The following TMEM63B variants were observed in gnomAD, a reference collection of about 807,000 sequenced individuals.
TMEM63B encodes transmembrane protein 63B.
TMEM63B carries 23 observed loss-of-function variants against 102.6 expected under a neutral mutation model. The observed-to-expected ratio is 0.22, with a 90% CI of 0.16 to 0.32. The LOEUF (loss-of-function observed/expected upper bound fraction) is 0.32. Among genes scored for constraint, TMEM63B ranks in the 10% least tolerant of loss-of-function variants. The pLI is 1.00. For missense variants in TMEM63B, 628 were observed against 1,095.9 expected (o/e 0.57, Z 6.03); for synonymous variants, 444 against 437.0 (o/e 1.02, Z -0.20).
chr6:44,150,077 G>A lies in TMEM63B; in HGVS notation c.1520+112G>A. Reference sequence around the variant, plus strand: ...CCTGGCCCTGGGCAGTCCCACAGCTGGTAGGGAAGGGGTAGTGCCCAGCAC... The same window carrying A: ...CCTGGCCCTGGGCAGTCCCACAGCTAGTAGGGAAGGGGTAGTGCCCAGCAC... On this transcript the variant is annotated intron_variant, in intron 16 of 23. Transcript: ENST00000323267. The surrounding 1 kb of genome is among the most constrained non-coding windows in gnomAD (Gnocchi z 4.7). 2.3e-6 allele frequency: 3 copies of A among 1,324,846 alleles called. No homozygotes were observed. Among genetic ancestry groups the A allele is most frequent in the Non-Finnish European group, 3.2e-6 (3 of 946,660 alleles). The allele number at this position is 1,324,846 out of a possible 1,614,324, so 82.1% of individuals were successfully genotyped here. A position where few individuals can be genotyped will look rare whatever the true frequency, so the allele number is the denominator to read the frequency against.
At chr6:44,132,939 C>G (rs1762239650) in intron 1 of TMEM63B, among the ~76,000 whole-genome samples, 1 of 152,204 alleles carries the variant, frequency 6.6e-6, no homozygotes, top group South Asian at 2.1e-4. Context: ...AGGTTTGAGT[C>G]CTAGGTCCCT....
Position 44,151,960 on chromosome 6 carries a change from C to A in TMEM63B, c.1788C>A (p.Ile596=). Residue 596 remains isoleucine (I), a synonymous_variant, in exon 19 of 24, where the codon ATC becomes ATA. Transcript: ENST00000323267. Reference sequence around the variant, plus strand: ...TCCCAGGCCTGCTCATGTACATGATCCGGCTCTGCCTGGCGCGCTCGGCCG... The same window carrying A: ...TCCCAGGCCTGCTCATGTACATGATACGGCTCTGCCTGGCGCGCTCGGCCG... ...LRIPGLLMYM[I]RLCLARSAAE... 6.2e-7 allele frequency: 1 copy of A among 1,612,666 alleles called. No individual in the cohort carries two copies. Among genetic ancestry groups the A allele is most frequent in the Non-Finnish European group, 8.5e-7 (1 of 1,179,216 alleles).
intron 5 of TMEM63B, 200 bp from the exon 6 acceptor site, chr6:44,138,280 T>A: frequency 1.6e-6 from 1 of 628,176 alleles, no homozygotes; most frequent in Non-Finnish European, 2.8e-6. Flanking sequence ...GTTGGTCTTT[T>A]TTCTTTGAGG....
chr6:44,131,580 G>A (rs548805446), intron 1 of TMEM63B, among the ~76,000 whole-genome samples: 18 of 152,162 alleles, frequency 1.2e-4, no homozygotes, highest in East Asian at 7.8e-4. Flanking sequence ...TTAGCTGGGC[G>A]TGGTGGCATG....
chr6:44,153,750 G>A lies in TMEM63B; in HGVS notation c.2017G>A (p.Asp673Asn), dbSNP rs774372585. The change falls in exon 21 of 24, where the codon GAC becomes AAC. Residue 673 changes from aspartate (D) to asparagine (N), a missense_variant. This residue lies in a region of TMEM63B where 90 missense variants were observed against 136.7 expected (regional missense o/e 0.66). Transcript: ENST00000323267. The part of the protein sequence containing the change: ...LYYAYLPAKL[D>N]KKIHSGAVNQ... ...CTACGCCTACCTGCCGGCCAAGCTG[G>A]ACAAGAAGATCCACTCGGGGGCTGT... The A allele has an allele frequency of 1.2e-6, 2 of 1,614,150 alleles. No homozygotes were observed. Among genetic ancestry groups the A allele is most frequent in the Non-Finnish European group, 1.7e-6 (2 of 1,180,028 alleles).
rs763552608 is a variant in TMEM63B at position 44,154,113 on chromosome 6, G to A, written c.2151G>A (p.Leu717=). 1 of 1,613,992 alleles carries A rather than the reference G, an allele frequency of 6.2e-7. No homozygotes were observed. Among genetic ancestry groups the A allele is most frequent in the African/African-American group, 1.3e-5 (1 of 74,902 alleles). Residue 717 remains leucine, a synonymous_variant, in exon 22 of 24, where the codon CTG becomes CTA. Transcript: ENST00000323267. ...APTSMFTFVV[L]VITIVICLCH... is the part of the protein sequence containing the mutation. ...CGTCTATGTTCACATTTGTGGTCCT[G>A]GTCATCACCATCGTCATCTGTCTCT... is the stretch of plus-strand genomic sequence containing the variant.
In TMEM63B at chr6:44,154,729, A is replaced by G; in HGVS notation, c.2345A>G (p.Asp782Gly). The G allele has an allele frequency of 8.2e-6, 13 of 1,582,396 alleles. No homozygotes were observed. Among genetic ancestry groups the G allele is most frequent in the Non-Finnish European group, 1.1e-5 (13 of 1,166,910 alleles). ...IAQVLQDSEVDGDGDGAPGSS... is the reference protein window; with the variant it reads ...IAQVLQDSEVGGDGDGAPGSS... ...CAGGTGCTGCAGGACTCAGAGGTGG[A>G]CGGGGATGGGGATGGGGCTCCTGGG... Residue 782 changes from aspartate (D) to glycine (G), a missense_variant, in exon 24 of 24, where the codon GAC (aspartate) becomes GGC (glycine). Transcript: ENST00000323267.
chr6:44,149,112 CA>C, intron 15 of TMEM63B, 167 bp downstream of exon 15: 1 of 999,130 alleles, frequency 1.0e-6, no homozygotes, highest in Non-Finnish European at 1.5e-6. Flanking sequence ...GGCTCCCTGC[CA>C]CCTTCCCCCT....
At chr6:44,146,463 T>TTTTTTTTTTTATTTTTTA (rs1176291597) in intron 10 of TMEM63B, among the ~76,000 whole-genome samples, 1 of 151,574 alleles carries the variant, frequency 6.6e-6, no homozygotes. Flanking sequence ...TTTTGTCTTT[T>TTTTTTTTTTTATTTTTTA]TTTTTGAGAT....
At position 44,139,467 on chromosome 6, in the gene TMEM63B, G is replaced by A. The variant is rs146291875; in HGVS notation, c.408G>A (p.Lys136=). The A allele has an allele frequency of 2.1e-5, 34 of 1,614,046 alleles. No homozygotes were observed. The highest frequency in any genetic ancestry group is 2.8e-5 in the Non-Finnish European group (33 of 1,180,038). The stretch of plus-strand genomic sequence containing the variant: ...CTTTGTCCAACCCGTATGGCTGCAG[G>A]GATGATGAGATCCGGGACAAATGTG... ...CSWLTAIFRI[K]DDEIRDKCGG... The change falls in exon 7 of 24, where the codon AAG becomes AAA. Residue 136 remains lysine (K), a splice_region_variant and synonymous_variant. Coordinates refer to ENST00000323267, the MANE Select transcript of TMEM63B (RefSeq NM_018426.3).
In TMEM63B at chr6:44,135,332, C is replaced by T. The variant is rs141913453; in HGVS notation, c.244C>T (p.Arg82Trp). The T allele has an allele frequency of 9.9e-5, 159 of 1,612,814 alleles. No homozygotes were observed. The Middle Eastern group carries it at 3.0e-3, about 30-fold the overall frequency. ...LALVTDADRL[R>W]RQERDRVEQE... ...CTGTCTGTTCTCTGTCCCCAGGCTT[C>T]GGCGGCAGGAGAGGGACCGAGTGGA... The change falls in exon 4 of 24, where the codon CGG becomes TGG. Residue 82 changes from arginine to tryptophan, a missense_variant. This residue lies in a region of TMEM63B where 336 missense variants were observed against 580.3 expected (regional missense o/e 0.58). Transcript: ENST00000323267.
intron 6 of TMEM63B, 69 bp from the exon 7 acceptor site, chr6:44,139,398 A>G: frequency 6.3e-7 from 1 of 1,582,172 alleles, no homozygotes. Context: ...GGGTGAGGGC[A>G]GGCAAGTTGC....
rs1332621600 is a variant in TMEM63B at position 44,152,096 on chromosome 6, C to T, written c.1836+88C>T. The T allele has an allele frequency of 1.8e-5, 26 of 1,444,080 alleles. No homozygotes were observed. In the East Asian group the frequency reaches 5.8e-4, roughly 32 times the overall value. 89.5% of individuals were successfully genotyped at this position (1,444,080 alleles called of 1,614,324 possible). A position where few individuals can be genotyped will look rare whatever the true frequency, so the allele number is the denominator to read the frequency against. On this transcript the variant is annotated intron_variant, in intron 19 of 23. Transcript: ENST00000323267. This position sits in a 1 kb window ranked among gnomAD's most constrained non-coding sequence, Gnocchi z 6.4. ...CAGCCATCGCGCTAGGGTTGAGGGGCACAGGAGGGCTGAGACTTGGGGAGT... is the reference window on the plus strand; with the variant it reads ...CAGCCATCGCGCTAGGGTTGAGGGGTACAGGAGGGCTGAGACTTGGGGAGT...
At chr6:44,144,608 A>G (rs572276497) in intron 10 of TMEM63B, among the ~76,000 whole-genome samples, 9 of 151,450 alleles carry the variant, frequency 5.9e-5, no homozygotes, top group African/African-American at 1.5e-4. Context: ...ATTTTTTTTG[A>G]GACAGAGTCT....
intron 1 of TMEM63B, among the ~76,000 whole-genome samples, chr6:44,130,749 C>T (rs1582753851): frequency 2.9e-5 from 4 of 138,318 alleles, no homozygotes; most frequent in Admixed American, 7.2e-5. Context: ...CCATGCCTGG[C>T]TTTTTTTTTT....
rs377671657 is a variant in TMEM63B, at chr6:44,148,809, G to A, written c.1277G>A (p.Arg426Gln). The change falls in exon 15 of 24, where the codon CGA becomes CAA. Residue 426 changes from arginine to glutamine, a missense_variant. By Grantham distance (43) the Arg-to-Gln change is conservative (BLOSUM62 1). Transcript: ENST00000323267. This position sits in a 1 kb window ranked among gnomAD's most constrained non-coding sequence, Gnocchi z 5.1. ...CTTGCCAGGGAGCACCTCTCCATCCGAGGCTTCATCTGGTGGCTGCGCTGC... is the reference window on the plus strand; with the variant it reads ...CTTGCCAGGGAGCACCTCTCCATCCAAGGCTTCATCTGGTGGCTGCGCTGC... ...QNIYWEHLSIRGFIWWLRCLV... is the reference protein window; with the variant it reads ...QNIYWEHLSIQGFIWWLRCLV... 36 of 1,613,962 alleles carry A rather than the reference G, an allele frequency of 2.2e-5. No individual in the cohort carries two copies. Among genetic ancestry groups the A allele is most frequent in the African/African-American group, 5.3e-5 (4 of 74,880 alleles).
Position 44,150,373 on chromosome 6 carries a change from C to G in TMEM63B, c.1607+63C>G. 1 of 1,537,996 alleles carries G rather than the reference C, an allele frequency of 6.5e-7. No individual in the cohort carries two copies. Among genetic ancestry groups the G allele is most frequent in the Non-Finnish European group, 9.0e-7 (1 of 1,111,560 alleles). On this transcript the variant is annotated intron_variant, in intron 17 of 23. Transcript: ENST00000323267. The surrounding 1 kb of genome is among the most constrained non-coding windows in gnomAD (Gnocchi z 4.7). ...GGACAGCAGGATAGGGAGAGGAGAG[C>G]AGTTCAGCCTCCCTACCTCCCCTAC...
intron 10 of TMEM63B, among the ~76,000 whole-genome samples, chr6:44,144,064 G>A (rs72858128): frequency 0.052 from 7,907 of 152,252 alleles, 437 homozygotes; most frequent in East Asian, 0.23. Flanking sequence ...ATAAGCAGGG[G>A]TAAGGGAGAC....
intron 10 of TMEM63B, among the ~76,000 whole-genome samples, chr6:44,144,457 C>A (rs1332643102): frequency 2.0e-5 from 3 of 152,120 alleles, no homozygotes; most frequent in Admixed American, 6.5e-5. Flanking sequence ...GGTCTCTAGC[C>A]TCCTGGGAAG....
Sources: gnomAD v4.1 joint callset for allele counts (sites outside exome capture counted in the v4.1 genomes callset) on GRCh38, gnomAD v4.1.1 for gene constraint, gnomAD v4.1.1 regional missense constraint, Gnocchi (gnomAD v3.1) non-coding constraint, MANE v1.5 for transcripts, NCBI Gene and HGNC (gene_info 2026-07-23, HGNC 2026-07-21) for gene names.